The following AKAP6 variants were observed in gnomAD, a reference collection of about 807,000 sequenced individuals.
The protein encoded by AKAP6 is A-kinase anchoring protein 6, also known as A-kinase anchor protein 6.
In AKAP6, 58 loss-of-function variants were observed where a neutral mutation model predicts 188.5. The ratio of observed to expected loss-of-function variants is 0.31; its 90% CI spans 0.25 to 0.38. AKAP6 has a LOEUF of 0.38. AKAP6 is among the 10% of genes least tolerant of loss of function. The pLI, the probability that AKAP6 is intolerant of heterozygous loss-of-function variation, is 1.00. For synonymous variants in AKAP6, 989 were observed against 998.6 expected (o/e 0.99, Z 0.18); for missense variants, 2,710 against 2,740.0 (o/e 0.99, Z 0.24).
intron 11 of AKAP6, among the ~76,000 whole-genome samples, chr14:32,748,252 A>C (rs564971224): frequency 3.3e-5 from 5 of 152,332 alleles, no homozygotes; most frequent in East Asian, 1.9e-4. Context: ...TAGAGGCTTA[A>C]GTGTGGATTC....
intron 2 of AKAP6, among the ~76,000 whole-genome samples, chr14:32,452,011 A>ATTTTTTTTTTTTTTTTTTTTTTTTTTTTT (rs61035125): frequency 3.0e-5 from 2 of 66,194 alleles, no homozygotes; most frequent in East Asian, 4.9e-4. Flanking sequence ...TTTTCTTTAC[A>ATTTTTTTTTTTTTTTTTTTTTTTTTTTTT]TTTTTTTTTT....
intron 1 of AKAP6, among the ~76,000 whole-genome samples, chr14:32,346,759 C>T (rs1323180667): frequency 3.9e-5 from 6 of 152,204 alleles, no homozygotes; most frequent in African/African-American, 7.2e-5. Flanking sequence ...CCACCCACCT[C>T]GGCCTCCCAA....
chr14:32,764,356 A>G (rs1043672389), intron 11 of AKAP6, among the ~76,000 whole-genome samples: 5 of 152,212 alleles, frequency 3.3e-5, no homozygotes, highest in Admixed American at 6.5e-5. Flanking sequence ...TAACTGTTAC[A>G]TATTTGCAGG....
chr14:32,330,145 C>T (rs1051382685), intron 1 of AKAP6, among the ~76,000 whole-genome samples: 2 of 152,042 alleles, frequency 1.3e-5, no homozygotes, highest in African/African-American at 2.4e-5. Context: ...CTCTCTGCGG[C>T]AGTTGCAGTG....
At chr14:32,566,590 A>G (rs1284371002) in intron 4 of AKAP6, among the ~76,000 whole-genome samples, 1 of 152,152 alleles carries the variant, frequency 6.6e-6, no homozygotes, top group Admixed American at 6.5e-5. Flanking sequence ...TAAACTCTCA[A>G]TAAATTTTTT....
intron 2 of AKAP6, among the ~76,000 whole-genome samples, chr14:32,523,292 C>G (rs1442339071): frequency 6.6e-6 from 1 of 152,010 alleles, no homozygotes; most frequent in Non-Finnish European, 1.5e-5. Flanking sequence ...CAAACCTGCA[C>G]GTTGTGCACA....
chr14:32,330,598 T>C (rs1009748979), intron 1 of AKAP6, among the ~76,000 whole-genome samples: 1 of 151,842 alleles, frequency 6.6e-6, no homozygotes, highest in Non-Finnish European at 1.5e-5. Flanking sequence ...ACTCAAAAAG[T>C]CTTACACGAA....
At chr14:32,583,437 G>T (rs578246518) in intron 5 of AKAP6, among the ~76,000 whole-genome samples, 1 of 152,220 alleles carries the variant, frequency 6.6e-6, no homozygotes, top group African/African-American at 2.4e-5. Context: ...TCGGGGGTCA[G>T]GGGTCAGGGA....
At chr14:32,627,812 A>G (rs1370594134) in intron 7 of AKAP6, among the ~76,000 whole-genome samples, 1 of 152,100 alleles carries the variant, frequency 6.6e-6, no homozygotes. Context: ...AGCCACATTT[A>G]ACTTCCTTTT....
chr14:32,500,425 T>C (rs1014249345), intron 2 of AKAP6, among the ~76,000 whole-genome samples: 1 of 152,194 alleles, frequency 6.6e-6, no homozygotes, highest in African/African-American at 2.4e-5. Flanking sequence ...AATACAATAG[T>C]GAACCAATGA....
At chr14:32,446,676 CTGTT>C (rs1285383435) in intron 2 of AKAP6, among the ~76,000 whole-genome samples, 1 of 151,002 alleles carries the variant, frequency 6.6e-6, no homozygotes, top group Non-Finnish European at 1.5e-5. Context: ...TTTTTTTTGT[CTGTT>C]ACGGGATCAA....
chr14:32,515,488 G>A (rs925952934), intron 2 of AKAP6, among the ~76,000 whole-genome samples: 1 of 152,128 alleles, frequency 6.6e-6, no homozygotes, highest in African/African-American at 2.4e-5. Flanking sequence ...TCAGAGATAT[G>A]TAAAAACTTC....
At chr14:32,495,658 C>T (rs192434118) in intron 2 of AKAP6, among the ~76,000 whole-genome samples, 7 of 152,282 alleles carry the variant, frequency 4.6e-5, no homozygotes, top group East Asian at 3.9e-4. Context: ...TTATCTGGCG[C>T]GTGGTAAAAT....
At chr14:32,349,267 GT>G (rs60158984) in intron 1 of AKAP6, among the ~76,000 whole-genome samples, 41,492 of 151,802 alleles carry the variant, frequency 0.27, 5,778 homozygotes, top group East Asian at 0.4. Flanking sequence ...GTGTATAGGA[GT>G]TTTTTTTCTT....
At chr14:32,638,609 A>G (rs563727229) in intron 7 of AKAP6, among the ~76,000 whole-genome samples, 2 of 152,220 alleles carry the variant, frequency 1.3e-5, no homozygotes, top group South Asian at 2.1e-4. Context: ...ACAAAATGGT[A>G]TTATAAGTAG....
intron 12 of AKAP6, among the ~76,000 whole-genome samples, chr14:32,820,367 G>C (rs901383476): frequency 7.9e-5 from 12 of 152,066 alleles, no homozygotes; most frequent in African/African-American, 2.9e-4. Flanking sequence ...AATTTGAACA[G>C]AGTCCAGGAG....
In AKAP6 at chr14:32,832,442, T is replaced by C. The variant is rs894165094; in HGVS notation, c.*2637T>C. On this transcript the variant is annotated 3_prime_UTR_variant, in exon 14 of 14. Coordinates refer to ENST00000280979, the MANE Select transcript of AKAP6 (RefSeq NM_004274.5). ...CTTGTTACATGCTCATGGAAGACCG[T>C]GCAGTATTGAAAGTATTTGTTAATT... The C allele has an allele frequency of 6.6e-6, 1 of 152,236 alleles. No individual in the cohort carries two copies. Among genetic ancestry groups the C allele is most frequent in the Non-Finnish European group, 1.5e-5 (1 of 68,034 alleles). 9.4% of individuals were successfully genotyped at this position (152,236 alleles called of 1,614,324 possible).
chr14:32,639,960 CA>C (rs1887683714), intron 7 of AKAP6, among the ~76,000 whole-genome samples: 1 of 151,850 alleles, frequency 6.6e-6, no homozygotes. Flanking sequence ...ACTCTGAAGG[CA>C]AAATACACAG....
Position 32,535,764 on chromosome 14 carries a change from C to A in AKAP6, c.535C>A (p.Gln179Lys). 1 of 1,613,960 alleles carries A rather than the reference C, an allele frequency of 6.2e-7. No homozygotes were observed. Among genetic ancestry groups the A allele is most frequent in the South Asian group, 1.1e-5 (1 of 91,058 alleles). ...GGACGCCAATGGCAACTACACTAGGCAGACGGACATTCTGCAAGCTTTCTC... is the reference window on the plus strand; with the variant it reads ...GGACGCCAATGGCAACTACACTAGGAAGACGGACATTCTGCAAGCTTTCTC... ...LQDANGNYTR[Q>K]TDILQAFSEE... The change falls in exon 3 of 14, where the codon CAG becomes AAG. Residue 179 changes from glutamine to lysine, a missense_variant. Transcript: ENST00000280979.
Sources: gnomAD v4.1 joint callset for allele counts (sites outside exome capture counted in the v4.1 genomes callset) on GRCh38, gnomAD v4.1.1 for gene constraint, MANE v1.5 for transcripts, NCBI Gene and HGNC (gene_info 2026-07-23, HGNC 2026-07-21) for gene names.